ENPP3: variants seen among roughly 807,000 people sequenced by gnomAD.
The protein encoded by ENPP3 is ectonucleotide pyrophosphatase/phosphodiesterase 3, also known as ectonucleotide pyrophosphatase/phosphodiesterase family member 3.
Under a neutral mutation model 117.8 loss-of-function variants are expected in ENPP3, and 104 were observed. The ratio of observed to expected loss-of-function variants is 0.88; its 90% confidence interval spans 0.75 to 1.04. The LOEUF is 1.04. Among genes scored for constraint, ENPP3 ranks in the 50% least tolerant of loss-of-function variants. ENPP3 has a pLI of 0.00. For synonymous variants in ENPP3, 380 were observed against 349.9 expected (o/e 1.09, Z -0.96); for missense variants, 1,026 against 1,051.9 (o/e 0.98, Z 0.34).
chr6:131,726,176 G>C lies in ENPP3; in HGVS notation c.1929G>C (p.Trp643Cys), dbSNP rs1780151227. The change falls in exon 20 of 25, where the codon TGG (tryptophan) becomes TGC (cysteine). Residue 643 changes from tryptophan (W) to cysteine (C), a missense_variant. Transcript: ENST00000357639. ...GFGKAMRMPM[W>C]SSYTVPQLGD... ...GAAAAGCTATGAGGATGCCCATGTG[G>C]AGTTCATACACAGTCCCCCAGTTGG... The C allele has an allele frequency of 1.2e-6, 2 of 1,613,964 alleles. No homozygotes were observed. Among genetic ancestry groups the C allele is most frequent in the Non-Finnish European group, 1.7e-6 (2 of 1,179,890 alleles).
intron 15 of ENPP3, chr6:131,700,327 A>G: frequency 3.1e-6 from 1 of 320,198 alleles, no homozygotes; most frequent in South Asian, 2.8e-5. Flanking sequence ...GTAGGGCAGG[A>G]GATAGCTCCA....
At chr6:131,644,926 G>A (rs946013096) in intron 2 of ENPP3, among the ~76,000 whole-genome samples, 1 of 152,194 alleles carries the variant, frequency 6.6e-6, no homozygotes, top group Admixed American at 6.5e-5. Context: ...TTTATAAGGG[G>A]AGAGTGTATG....
At chr6:131,688,926 C>T (rs1280565100) in intron 14 of ENPP3, among the ~76,000 whole-genome samples, 3 of 149,246 alleles carry the variant, frequency 2.0e-5, no homozygotes, top group East Asian at 2.0e-4. Flanking sequence ...AATAGCCAGG[C>T]GTGGTTTTGG....
chr6:131,664,868 T>C (rs1469623343), intron 6 of ENPP3, among the ~76,000 whole-genome samples: 1 of 152,174 alleles, frequency 6.6e-6, no homozygotes, highest in Non-Finnish European at 1.5e-5. Flanking sequence ...AATGATGGAA[T>C]TGTCTAACAA....
chr6:131,701,646 C>T (rs1425970861), intron 15 of ENPP3, among the ~76,000 whole-genome samples: 2 of 148,758 alleles, frequency 1.3e-5, no homozygotes, highest in South Asian at 2.2e-4. Flanking sequence ...TTTGGGAGGC[C>T]GAGGCGGGCG....
Position 131,674,185 on chromosome 6 carries a change from C to A in ENPP3, c.666C>A (p.Gly222=). Residue 222 remains glycine (G), a synonymous_variant, in exon 8 of 25, where the codon GGC becomes GGA. Transcript: ENST00000357639. ...IVTGLYPESH[G]IIDNNMYDVN... ...AGGGCTTGTATCCAGAGTCACATGG[C>A]ATCATTGACAATAATATGTATGATG... 1 of 1,563,924 alleles carries A rather than the reference C, an allele frequency of 6.4e-7. No individual in the cohort carries two copies. The highest frequency in any genetic ancestry group is 8.8e-7 in the Non-Finnish European group (1 of 1,136,038).
At chr6:131,651,237 A>C (rs1009926382) in intron 3 of ENPP3, among the ~76,000 whole-genome samples, 2 of 152,100 alleles carry the variant, frequency 1.3e-5, no homozygotes, top group Non-Finnish European at 2.9e-5. Flanking sequence ...GTAATTTGGA[A>C]CCATTTCTAA....
intron 15 of ENPP3, among the ~76,000 whole-genome samples, chr6:131,701,884 G>GAAA (rs1170025527): frequency 6.2e-5 from 6 of 96,958 alleles, no homozygotes; most frequent in Admixed American, 9.9e-5. Context: ...TCTGTCTCCA[G>GAAA]AAAAAAAAAA....
chr6:131,730,573 A>G (rs1780254782), intron 20 of ENPP3, among the ~76,000 whole-genome samples: 1 of 152,172 alleles, frequency 6.6e-6, no homozygotes, highest in African/African-American at 2.4e-5. Flanking sequence ...TATACACTTA[A>G]TTGGTGTTTT....
intron 20 of ENPP3, among the ~76,000 whole-genome samples, chr6:131,729,128 A>T (rs1183151648): frequency 6.6e-6 from 1 of 152,200 alleles, no homozygotes; most frequent in African/African-American, 2.4e-5. Context: ...ATCTACACAC[A>T]TATCATTCCA....
intron 23 of ENPP3, 62 bp downstream of exon 23, chr6:131,738,225 A>G (rs1035818484): frequency 1.5e-5 from 20 of 1,341,190 alleles, no homozygotes; most frequent in Non-Finnish European, 2.1e-5. Context: ...CCAATATTTT[A>G]AGTAAAGCTC....
At chr6:131,745,019 G>C (rs1780605415) in intron 24 of ENPP3, among the ~76,000 whole-genome samples, 1 of 152,128 alleles carries the variant, frequency 6.6e-6, no homozygotes, top group South Asian at 2.1e-4. Flanking sequence ...TTTGTGTTAT[G>C]CTTTGTGGTC....
chr6:131,723,802 TTCTCTCTCTC>T (rs4053085), intron 18 of ENPP3, among the ~76,000 whole-genome samples: 3 of 137,040 alleles, frequency 2.2e-5, no homozygotes, highest in Non-Finnish European at 4.6e-5. Flanking sequence ...TTTTTGCAAA[TTCTCTCTCTC>T]TCTCTCTCTC....
At chr6:131,669,359 A>C (rs1778689970) in intron 6 of ENPP3, among the ~76,000 whole-genome samples, 1 of 152,102 alleles carries the variant, frequency 6.6e-6, no homozygotes, top group Non-Finnish European at 1.5e-5. Context: ...CATTAGGATG[A>C]CCTGGGCTGC....
chr6:131,655,551 G>A (rs190661883), intron 5 of ENPP3, among the ~76,000 whole-genome samples: 1 of 152,318 alleles, frequency 6.6e-6, no homozygotes, highest in Admixed American at 6.5e-5. Context: ...CGGGTAAGGG[G>A]CTGAATAAGG....
intron 20 of ENPP3, among the ~76,000 whole-genome samples, chr6:131,729,308 G>A (rs750163301): frequency 1.7e-4 from 26 of 152,188 alleles, no homozygotes; most frequent in African/African-American, 5.3e-4. Flanking sequence ...TATCCTTACC[G>A]TAAGGCAAAA....
intron 1 of ENPP3, among the ~76,000 whole-genome samples, 187 bp from the exon 2 acceptor site, chr6:131,641,268 T>C (rs1233943919): frequency 6.6e-6 from 1 of 152,186 alleles, no homozygotes; most frequent in Non-Finnish European, 1.5e-5. Flanking sequence ...TATTCTTTCT[T>C]AATTTCAAGC....
At chr6:131,696,831 G>T (rs1292120739) in intron 15 of ENPP3, among the ~76,000 whole-genome samples, 1 of 148,830 alleles carries the variant, frequency 6.7e-6, no homozygotes, top group Admixed American at 6.7e-5. Flanking sequence ...GTGCAGTGGC[G>T]CGATCTCGGC....
chr6:131,722,279 C>A lies in ENPP3; in HGVS notation c.1620C>A (p.Asn540Lys). The change falls in exon 18 of 25, where the codon AAC becomes AAA. Residue 540 changes from asparagine to lysine, a missense_variant. Transcript: ENST00000357639. ...APNNGTHGSL[N>K]HLLKVPFYEP... ...ACAATGGAACCCATGGTAGTTTAAA[C>A]CATCTTCTGAAGGTGCCTTTTTATG... is the stretch of plus-strand genomic sequence containing the variant. 1.2e-6 allele frequency: 2 copies of A among 1,614,040 alleles called. No individual in the cohort carries two copies. The highest frequency in any genetic ancestry group is 1.7e-6 in the Non-Finnish European group (2 of 1,179,924).
Sources: allele counts gnomAD v4.1 joint callset (sites outside exome capture counted in the v4.1 genomes callset), GRCh38; gene constraint gnomAD v4.1.1; transcripts MANE v1.5; gene names NCBI Gene and HGNC (gene_info 2026-07-23, HGNC 2026-07-21).